Variants in CYFIP1 observed in about 807,000 individuals in gnomAD.
CYFIP1 encodes the protein cytoplasmic FMR1-interacting protein 1.
CYFIP1 carries 58 observed loss-of-function variants against 163.5 expected under a neutral mutation model. The observed-to-expected ratio is 0.35, with a 90% CI of 0.29 to 0.44. The LOEUF is 0.44. CYFIP1 is among the 20% of genes least tolerant of loss of function. CYFIP1 has a pLI of 1.00. For synonymous variants in CYFIP1, 663 were observed against 660.7 expected, an observed-to-expected ratio of 1.00 and a Z score of -0.05; for missense variants, 1,338 against 1,653.8, an observed-to-expected ratio of 0.81 and a Z score of 3.31.
At chr15:22,951,514 C>A (rs1458935255) in intron 1 of CYFIP1, 1 of 1,288,146 alleles carries the variant, frequency 7.8e-7, no homozygotes, top group African/African-American at 1.5e-5. Context: ...CGTGCTTCGG[C>A]CCCATAGGGG....
At chr15:22,916,739 G>C (rs766955800) in intron 15 of CYFIP1, 109 bp from the exon 16 acceptor site, 3 of 1,612,532 alleles carry the variant, frequency 1.9e-6, no homozygotes, top group African/African-American at 1.3e-5. Context: ...CGCCCTGGTC[G>C]GGAGGGCCCC....
At chr15:22,886,955 C>A (rs1385865615) in intron 23 of CYFIP1, among the ~76,000 whole-genome samples, 3 of 152,156 alleles carry the variant, frequency 2.0e-5, no homozygotes, top group Non-Finnish European at 4.4e-5. Flanking sequence ...AGTACAGAAG[C>A]CTTGTTGTTT....
rs1222595172 is a variant in CYFIP1, at chr15:22,925,983, T to C, written c.1358A>G (p.Glu453Gly). 1.2e-6 allele frequency: 2 copies of C among 1,613,220 alleles called. No homozygotes were observed. Among genetic ancestry groups the C allele is most frequent in the East Asian group, 4.5e-5 (2 of 44,864 alleles). ...GAGCGAGCGGCCGAGCATCCTCACC[T>C]CCACTAGGGCAAACTTCTCCTCGCT... ...YTSEEKFALV[E>G]VIAMIKGLQV... is the part of the protein sequence containing the mutation. The change falls in exon 13 of 31, where the codon GAG (glutamate) becomes GGG (glycine). Residue 453 changes from glutamate to glycine, a missense_variant and splice_region_variant. Transcript: ENST00000617928.
chr15:22,883,246 T>C (rs2059819127), intron 23 of CYFIP1, among the ~76,000 whole-genome samples: 1 of 152,200 alleles, frequency 6.6e-6, no homozygotes, highest in African/African-American at 2.4e-5. Flanking sequence ...TCAACATTTG[T>C]TGAATAGCCG....
intron 1 of CYFIP1, among the ~76,000 whole-genome samples, chr15:22,949,870 T>C (rs1338698524): frequency 3.3e-5 from 5 of 151,164 alleles, no homozygotes; most frequent in African/African-American, 1.2e-4. Context: ...AGCCAGGCGC[T>C]GCAGTCCCAG....
At position 22,870,051 on chromosome 15, in the gene CYFIP1, G is replaced by A. The variant is rs760661511; in HGVS notation, c.3739C>T (p.His1247Tyr). 6.2e-6 allele frequency: 10 copies of A among 1,608,008 alleles called. No individual in the cohort carries two copies. The highest frequency in any genetic ancestry group is 8.5e-6 in the Non-Finnish European group (10 of 1,178,142). The change falls in exon 31 of 31, where the codon CAC becomes TAC. Residue 1247 changes from histidine to tyrosine, a missense_variant. Physicochemically the swap from His to Tyr is moderately conservative, Grantham distance 83 (BLOSUM62 2). This residue lies in a region of CYFIP1 where 306 missense variants were observed against 322.1 expected (regional missense o/e 0.95). Transcript: ENST00000617928. ...EHVRCFQPPIHQSLASS is the reference protein window; with the variant it reads ...EHVRCFQPPIYQSLASS ...CCTCAGCTGCTGGCGAGGGACTGGT[G>A]GATGGGCGGCTGGAAGCAGCGCACA...
intron 12 of CYFIP1, among the ~76,000 whole-genome samples, chr15:22,926,648 T>C (rs1203449063): frequency 2.0e-5 from 3 of 152,202 alleles, no homozygotes; most frequent in South Asian, 2.1e-4. Flanking sequence ...TCCAAATCTT[T>C]ATATGGCACC....
At chr15:22,947,579 C>T (rs1202994649) in intron 1 of CYFIP1, among the ~76,000 whole-genome samples, 1 of 152,084 alleles carries the variant, frequency 6.6e-6, no homozygotes, top group Non-Finnish European at 1.5e-5. Context: ...GCCATCCTTC[C>T]CACCATGGGG....
At chr15:22,884,699 G>A (rs1019632824) in intron 23 of CYFIP1, among the ~76,000 whole-genome samples, 12 of 152,144 alleles carry the variant, frequency 7.9e-5, no homozygotes, top group Admixed American at 2.6e-4. Context: ...GACTCTGTGT[G>A]TGGGGCTCCA....
At chr15:22,938,771 C>T (rs1024906916) in intron 8 of CYFIP1, among the ~76,000 whole-genome samples, 2 of 151,728 alleles carry the variant, frequency 1.3e-5, no homozygotes, top group Non-Finnish European at 2.9e-5. Context: ...GGCATGGTGG[C>T]GTGCACCTGT....
Position 22,906,432 on chromosome 15 carries a change from C to T in CYFIP1, c.2389-2527G>A, listed in dbSNP as rs997322106. Among the ~76,000 whole-genome samples the T allele has an allele frequency of 6.8e-5, 10 of 146,230 alleles. No homozygotes were observed. In the East Asian group the frequency reaches 2.1e-3, roughly 30 times the overall value. ...CTATTTCTGGATTTCTAAAAATTCT[C>T]ATTTATATTATTCTTTCACAGCAAC... is the stretch of plus-strand genomic sequence containing the variant. On this transcript the variant is annotated intron_variant, in intron 21 of 30. Coordinates refer to ENST00000617928, the MANE Select transcript of CYFIP1 (RefSeq NM_014608.6).
chr15:22,978,988 T>C (rs141555612), intron 1 of CYFIP1, among the ~76,000 whole-genome samples: 2 of 152,268 alleles, frequency 1.3e-5, no homozygotes, highest in Admixed American at 6.5e-5. Context: ...TGAATCTTAC[T>C]AAAAGTTTAA....
At chr15:22,943,111 A>AAGGC (rs1163167221) in intron 6 of CYFIP1, 62 bp downstream of exon 6, 2 of 1,529,822 alleles carry the variant, frequency 1.3e-6, no homozygotes, top group Admixed American at 3.6e-5. Context: ...TGCTGTGCAC[A>AAGGC]AGGCAGGCCA....
intron 21 of CYFIP1, among the ~76,000 whole-genome samples, chr15:22,907,630 T>C (rs1566953913): frequency 1.3e-5 from 2 of 152,208 alleles, no homozygotes; most frequent in Non-Finnish European, 2.9e-5. Context: ...CGTGTGGCCA[T>C]GCACCAATGA....
At chr15:22,910,455 C>T in intron 20 of CYFIP1, 65 bp downstream of exon 20, 2 of 1,391,142 alleles carry the variant, frequency 1.4e-6, no homozygotes, top group Non-Finnish European at 2.0e-6. Flanking sequence ...CCACCGCACC[C>T]AGCCGAAAAC....
Position 22,892,665 on chromosome 15 carries a change from C to T in CYFIP1, c.2676+225G>A, listed in dbSNP as rs113291227. Among the ~76,000 whole-genome samples the T allele has an allele frequency of 3.3e-5, 5 of 152,212 alleles. 1 individual carries two copies. Among genetic ancestry groups the T allele is most frequent in the Non-Finnish European group, 7.3e-5 (5 of 68,046 alleles). On this transcript the variant is annotated intron_variant, in intron 23 of 30. Transcript: ENST00000617928. ...CAAGGCCAGAGCTGTCCCAACACTA[C>T]GTACGCGCTAGTTCTAGATAAGCAC...
In CYFIP1 at chr15:22,868,674, G is replaced by C. The variant is rs868507035; in HGVS notation, c.*1354C>G. 3 of 137,814 alleles carry C rather than the reference G, an allele frequency of 2.2e-5. No individual in the cohort carries two copies. The highest frequency in any genetic ancestry group is 9.9e-5 in the African/African-American group (3 of 30,184). 8.5% of individuals were successfully genotyped at this position (137,814 alleles called of 1,614,324 possible). A position where few individuals can be genotyped will look rare whatever the true frequency, so the allele number is the denominator to read the frequency against. On this transcript the variant is annotated 3_prime_UTR_variant, in exon 31 of 31. Coordinates refer to ENST00000617928, the MANE Select transcript of CYFIP1 (RefSeq NM_014608.6). ...GTTTGGCAGTGTAACAGGATGGTTC[G>C]TACACTTACTACTTTTCTGTGCCGT...
intron 1 of CYFIP1, among the ~76,000 whole-genome samples, chr15:22,962,593 A>G (rs963099807): frequency 2.6e-5 from 4 of 151,256 alleles, no homozygotes; most frequent in African/African-American, 9.7e-5. Flanking sequence ...TAGTAGAGAC[A>G]GGATTTCTCC....
intron 13 of CYFIP1, among the ~76,000 whole-genome samples, chr15:22,920,259 G>A (rs1198072055): frequency 7.1e-6 from 1 of 140,368 alleles, no homozygotes; most frequent in Non-Finnish European, 1.5e-5. Context: ...TGAACTCCCA[G>A]GGTCAATCGA....
Sources: allele counts gnomAD v4.1 joint callset (sites outside exome capture counted in the v4.1 genomes callset), GRCh38; gene constraint gnomAD v4.1.1; regional missense constraint gnomAD v4.1.1; transcripts MANE v1.5; gene names NCBI Gene and HGNC (gene_info 2026-07-23, HGNC 2026-07-21).